Variants in ITGBL1 observed in about 807,000 individuals in gnomAD.
The protein encoded by ITGBL1 is integrin beta-like protein 1.
Under a neutral mutation model 68.5 loss-of-function variants are expected in ITGBL1, and 51 were observed. The observed-to-expected ratio is 0.74, with a 90% CI of 0.59 to 0.94. The LOEUF (loss-of-function observed/expected upper bound fraction) is 0.94, where lower values mean the gene tolerates loss of function less well. ITGBL1 is among the 40% of genes least tolerant of loss of function. The pLI is 0.00. For missense variants in ITGBL1, 649 were observed against 647.4 expected (o/e 1.00, Z -0.03); for synonymous variants, 209 against 227.3 (o/e 0.92, Z 0.72).
intron 2 of ITGBL1, among the ~76,000 whole-genome samples, chr13:101,469,787 G>A (rs1044940412): frequency 5.3e-5 from 8 of 152,152 alleles, no homozygotes; most frequent in African/African-American, 1.7e-4. Context: ...AGATAGTACA[G>A]TCTTTACTGA....
intron 2 of ITGBL1, among the ~76,000 whole-genome samples, chr13:101,551,208 A>G (rs1233440713): frequency 6.6e-6 from 1 of 152,206 alleles, no homozygotes; most frequent in South Asian, 2.1e-4. Context: ...AGTGAAAAGC[A>G]TATTAGTTTA....
At chr13:101,534,535 GGAAA>G (rs1241335882) in intron 2 of ITGBL1, among the ~76,000 whole-genome samples, 1 of 152,090 alleles carries the variant, frequency 6.6e-6, no homozygotes, top group Non-Finnish European at 1.5e-5. Flanking sequence ...CTCTAAAAAT[GGAAA>G]GACCCTGGAA....
chr13:101,625,043 T>C (rs536789164), intron 7 of ITGBL1, among the ~76,000 whole-genome samples: 1 of 152,294 alleles, frequency 6.6e-6, no homozygotes, highest in South Asian at 2.1e-4. Context: ...GGTAGATAAA[T>C]GCAGAGGCAA....
At chr13:101,689,292 A>T (rs1414737885) in intron 7 of ITGBL1, among the ~76,000 whole-genome samples, 1 of 149,540 alleles carries the variant, frequency 6.7e-6, no homozygotes, top group Non-Finnish European at 1.5e-5. Flanking sequence ...TTGTGTGAGT[A>T]GGAGGATGCC....
intron 7 of ITGBL1, among the ~76,000 whole-genome samples, chr13:101,638,152 G>T (rs1051386092): frequency 1.3e-5 from 2 of 152,128 alleles, no homozygotes; most frequent in African/African-American, 4.8e-5. Flanking sequence ...TCATGCTTTG[G>T]AAGCTCAAGT....
intron 2 of ITGBL1, among the ~76,000 whole-genome samples, chr13:101,519,476 C>T (rs373393518): frequency 3.9e-5 from 6 of 152,250 alleles, no homozygotes; most frequent in Admixed American, 3.3e-4. Flanking sequence ...GCTTCTTTCT[C>T]TCTCTCCCTT....
intron 2 of ITGBL1, among the ~76,000 whole-genome samples, chr13:101,521,377 T>C (rs2049281571): frequency 6.6e-6 from 1 of 152,120 alleles, no homozygotes; most frequent in Admixed American, 6.6e-5. Flanking sequence ...TAGATGGTGA[T>C]AAATACTACA....
At chr13:101,681,110 G>A (rs1463889608) in intron 7 of ITGBL1, among the ~76,000 whole-genome samples, 1 of 152,094 alleles carries the variant, frequency 6.6e-6, no homozygotes, top group Admixed American at 6.5e-5. Flanking sequence ...AATGTGTCTG[G>A]GGAATGATCA....
At chr13:101,515,774 CAT>C (rs2049185063) in intron 2 of ITGBL1, among the ~76,000 whole-genome samples, 1 of 152,042 alleles carries the variant, frequency 6.6e-6, no homozygotes, top group African/African-American at 2.4e-5. Flanking sequence ...TGAAACATTT[CAT>C]ATGAGTCATC....
rs72659119 is a variant in ITGBL1, at chr13:101,588,633, C to T, written c.868+5277C>T. 5.9e-3 allele frequency among the ~76,000 whole-genome samples: 893 copies of T among 151,176 alleles called. 5 individuals are homozygous for T. The highest frequency in any genetic ancestry group is 9.7e-3 in the Non-Finnish European group (659 of 67,888). ...AGGCCCAGAAAAGATAGTGGCACAT[C>T]AGATGAAGGACACAAGTCTCCTGAT... On this transcript the variant is annotated intron_variant, in intron 6 of 10. Coordinates refer to ENST00000376180, the MANE Select transcript of ITGBL1 (RefSeq NM_004791.3).
At chr13:101,505,669 A>G (rs983353922) in intron 2 of ITGBL1, among the ~76,000 whole-genome samples, 2 of 152,208 alleles carry the variant, frequency 1.3e-5, no homozygotes, top group Admixed American at 6.5e-5. Context: ...AGAACTGCAA[A>G]AGATCTGAGG....
At chr13:101,635,422 A>T (rs551437061) in intron 7 of ITGBL1, among the ~76,000 whole-genome samples, 1 of 152,110 alleles carries the variant, frequency 6.6e-6, no homozygotes, top group South Asian at 2.1e-4. Flanking sequence ...ATAAACTCCA[A>T]TTTAGTCATA....
chr13:101,631,282 T>C (rs1180230736), intron 7 of ITGBL1, among the ~76,000 whole-genome samples: 1 of 152,188 alleles, frequency 6.6e-6, no homozygotes, highest in African/African-American at 2.4e-5. Flanking sequence ...GATTATACAC[T>C]AATATTCATC....
rs1426351490 is a variant in ITGBL1 at position 101,575,422 on chromosome 13, A to G, written c.464-2A>G. ...ACAGTCTTTTTTGTTTTCATGGTTT[A>G]GGTACATGTCACTGTGGCAGGTGTA... On this transcript the variant is annotated splice_acceptor_variant, in intron 3 of 10. Transcript: ENST00000376180. LOFTEE classifies it high-confidence loss of function. The G allele has an allele frequency of 6.2e-7, 1 of 1,612,306 alleles. No individual in the cohort carries two copies. Among genetic ancestry groups the G allele is most frequent in the South Asian group, 1.1e-5 (1 of 90,906 alleles).
At chr13:101,585,240 A>G (rs973279037) in intron 6 of ITGBL1, among the ~76,000 whole-genome samples, 2 of 152,164 alleles carry the variant, frequency 1.3e-5, no homozygotes, top group African/African-American at 2.4e-5. Context: ...AATAGGGAAT[A>G]TGGAAGGAAG....
At chr13:101,467,259 C>T (rs957654450) in intron 2 of ITGBL1, among the ~76,000 whole-genome samples, 12 of 152,172 alleles carry the variant, frequency 7.9e-5, no homozygotes, top group African/African-American at 2.9e-4. Flanking sequence ...AGGGAAACCT[C>T]ACATCAGTGG....
intron 9 of ITGBL1, among the ~76,000 whole-genome samples, chr13:101,709,366 C>A (rs377664075): frequency 1.5e-5 from 1 of 64,968 alleles, no homozygotes. Context: ...AGCGAGACTC[C>A]GTCTCAAAAA....
At chr13:101,457,982 T>G (rs909171148) in intron 2 of ITGBL1, among the ~76,000 whole-genome samples, 1 of 152,212 alleles carries the variant, frequency 6.6e-6, no homozygotes, top group African/African-American at 2.4e-5. Flanking sequence ...TGTTGAAATA[T>G]GTCACTTAAA....
At chr13:101,607,105 G>A (rs1028576745) in intron 7 of ITGBL1, among the ~76,000 whole-genome samples, 1 of 151,874 alleles carries the variant, frequency 6.6e-6, no homozygotes, top group East Asian at 1.9e-4. Flanking sequence ...ATGTGTTTAT[G>A]CTCTTCTGTC....
Sources: gnomAD v4.1 joint callset for allele counts (sites outside exome capture counted in the v4.1 genomes callset) on GRCh38, gnomAD v4.1.1 for gene constraint, MANE v1.5 for transcripts, NCBI Gene and HGNC (gene_info 2026-07-23, HGNC 2026-07-21) for gene names.